ADGB: variants seen among roughly 807,000 people sequenced by gnomAD.
The protein encoded by ADGB is calpain-7-like protein.
A neutral mutation model predicts 210.5 loss-of-function variants in ADGB; 172 were observed. The ratio of observed to expected loss-of-function variants is 0.82; its 90% CI spans 0.72 to 0.93. ADGB has a LOEUF of 0.93. Ranked by LOEUF, ADGB falls within the 40% of genes least tolerant of loss-of-function variation. The pLI is 0.00. For missense variants in ADGB, 2,025 were observed against 1,964.8 expected, an observed-to-expected ratio of 1.03 and a Z score of -0.58; for synonymous variants, 658 against 662.7, an observed-to-expected ratio of 0.99 and a Z score of 0.11.
chr6:146,787,298 T>A (rs1481537471), intron 32 of ADGB, among the ~76,000 whole-genome samples: 1 of 152,176 alleles, frequency 6.6e-6, no homozygotes, highest in Non-Finnish European at 1.5e-5. Context: ...ACTAAAGTCC[T>A]CCTCGTTTGT....
chr6:146,784,098 C>A (rs898691212), intron 30 of ADGB, among the ~76,000 whole-genome samples: 5 of 152,106 alleles, frequency 3.3e-5, no homozygotes, highest in Non-Finnish European at 5.9e-5. Context: ...ACCATGTAAT[C>A]CATGACCCTA....
At chr6:146,706,759 TTTTG>T (rs1440180184) in intron 13 of ADGB, among the ~76,000 whole-genome samples, 3 of 151,902 alleles carry the variant, frequency 2.0e-5, no homozygotes, top group Non-Finnish European at 4.4e-5. Context: ...TTATTTCTGA[TTTTG>T]TTTGAGTCTT....
intron 1 of ADGB, among the ~76,000 whole-genome samples, chr6:146,632,373 T>C (rs976631967): frequency 6.6e-6 from 1 of 152,188 alleles, no homozygotes; most frequent in African/African-American, 2.4e-5. Flanking sequence ...CTTCCACTTT[T>C]GAGCACTCTT....
chr6:146,773,066 T>G (rs2114635258), intron 29 of ADGB, among the ~76,000 whole-genome samples: 1 of 152,132 alleles, frequency 6.6e-6, no homozygotes, highest in East Asian at 1.9e-4. Flanking sequence ...AAGGAGAGTA[T>G]CTGCACATAG....
intron 3 of ADGB, 78 bp from the exon 4 acceptor site, chr6:146,654,057 T>C: frequency 9.8e-7 from 1 of 1,024,112 alleles, no homozygotes. Flanking sequence ...CAGGCATAAA[T>C]GGATTAAAAC....
chr6:146,717,612 G>C lies in ADGB; in HGVS notation c.1992+13G>C. 7.3e-7 allele frequency: 1 copy of C among 1,360,742 alleles called. No individual in the cohort carries two copies. Among genetic ancestry groups the C allele is most frequent in the Non-Finnish European group, 1.0e-6 (1 of 999,156 alleles). 84.3% of individuals were successfully genotyped at this position (1,360,742 alleles called of 1,614,324 possible). A position where few individuals can be genotyped will look rare whatever the true frequency, so the allele number is the denominator to read the frequency against. ...ATCAGAATTTAAGGTAAGTATGTTA[G>C]AATCTTTTCTATTCTCTTTAAATTT... On this transcript the variant is annotated intron_variant, in intron 16 of 35. Coordinates refer to ENST00000397944, the MANE Select transcript of ADGB (RefSeq NM_024694.4).
intron 1 of ADGB, among the ~76,000 whole-genome samples, chr6:146,618,026 T>C (rs1328452121): frequency 2.0e-5 from 3 of 152,130 alleles, no homozygotes; most frequent in East Asian, 1.9e-4. Context: ...ATATGTTATA[T>C]ATACTGCATT....
intron 26 of ADGB, among the ~76,000 whole-genome samples, chr6:146,748,339 C>G (rs1044097416): frequency 1.3e-4 from 20 of 152,086 alleles, no homozygotes; most frequent in African/African-American, 4.6e-4. Flanking sequence ...AGTCCACACA[C>G]TGGGTGGGTG....
In ADGB at chr6:146,716,804, G is replaced by T. The variant is rs1041820089; in HGVS notation, c.1742-79G>T. The T allele has an allele frequency of 6.0e-6, 8 of 1,334,776 alleles. No individual in the cohort carries two copies. In the African/African-American group the frequency reaches 1.2e-4, roughly 20 times the overall value. 82.7% of individuals were successfully genotyped at this position (1,334,776 alleles called of 1,614,324 possible). A position where few individuals can be genotyped will look rare whatever the true frequency, so the allele number is the denominator to read the frequency against. On this transcript the variant is annotated intron_variant, in intron 14 of 35. Transcript: ENST00000397944. ...CCCAAAAATAGACTTTGATATTTAA[G>T]TTTCCCTTTATCATTTTACATATTT... is the stretch of plus-strand genomic sequence containing the variant.
chr6:146,764,279 G>A (rs1458285873), intron 28 of ADGB, among the ~76,000 whole-genome samples, 179 bp downstream of exon 28: 1 of 152,034 alleles, frequency 6.6e-6, no homozygotes, highest in Non-Finnish European at 1.5e-5. Context: ...ATACATCTTG[G>A]CACAGAGATG....
chr6:146,653,993 C>G (rs1010039138), intron 3 of ADGB, 142 bp from the exon 4 acceptor site: 11 of 412,052 alleles, frequency 2.7e-5, no homozygotes, highest in Non-Finnish European at 4.4e-5. Context: ...TTATATCCTA[C>G]TGCTCAAGGT....
intron 33 of ADGB, among the ~76,000 whole-genome samples, chr6:146,796,642 G>A (rs1445502377): frequency 6.6e-6 from 1 of 152,128 alleles, no homozygotes; most frequent in East Asian, 1.9e-4. Context: ...AAATGGTGCT[G>A]GGATAATTGG....
At chr6:146,681,190 G>A (rs1298678165) in intron 9 of ADGB, among the ~76,000 whole-genome samples, 3 of 152,124 alleles carry the variant, frequency 2.0e-5, no homozygotes, top group Non-Finnish European at 4.4e-5. Context: ...TGGACCTGAA[G>A]GCAGATCCCT....
intron 8 of ADGB, among the ~76,000 whole-genome samples, chr6:146,675,303 T>C (rs1040479668): frequency 6.6e-6 from 1 of 150,850 alleles, no homozygotes; most frequent in African/African-American, 2.4e-5. Flanking sequence ...AAAAGAAAAA[T>C]AAAAAGAAAA....
At chr6:146,767,140 G>T (rs1777587712) in intron 28 of ADGB, among the ~76,000 whole-genome samples, 1 of 152,174 alleles carries the variant, frequency 6.6e-6, no homozygotes, top group Non-Finnish European at 1.5e-5. Context: ...TGTGGGAAGT[G>T]TAAGTGTGTT....
At chr6:146,814,492 T>C (rs967180817) in intron 35 of ADGB, among the ~76,000 whole-genome samples, 1 of 152,128 alleles carries the variant, frequency 6.6e-6, no homozygotes, top group Admixed American at 6.5e-5. Context: ...GAACAACAAA[T>C]GATCCAGGAT....
chr6:146,770,300 TTG>T (rs1777631761), intron 29 of ADGB: 1 of 179,440 alleles, frequency 5.6e-6, no homozygotes, highest in Non-Finnish European at 1.2e-5. Flanking sequence ...AAAACTGTTA[TTG>T]CCAGGCTTAC....
At chr6:146,719,976 T>C (rs1397727355) in intron 16 of ADGB, among the ~76,000 whole-genome samples, 1 of 152,262 alleles carries the variant, frequency 6.6e-6, no homozygotes, top group East Asian at 1.9e-4. Flanking sequence ...CAAGCATTTC[T>C]AGCAATCTTT....
chr6:146,687,258 C>A (rs1164497598), intron 10 of ADGB, among the ~76,000 whole-genome samples: 1 of 152,090 alleles, frequency 6.6e-6, no homozygotes, highest in African/African-American at 2.4e-5. Flanking sequence ...CCAAGTCAAG[C>A]CTCTTGCTAA....
Sources: allele counts gnomAD v4.1 joint callset (sites outside exome capture counted in the v4.1 genomes callset), GRCh38; gene constraint gnomAD v4.1.1; transcripts MANE v1.5; gene names NCBI Gene and HGNC (gene_info 2026-07-23, HGNC 2026-07-21).